Variants in RUNX1 observed in about 807,000 individuals in gnomAD.
The protein encoded by RUNX1 is RUNX family transcription factor 1, also known as runt-related transcription factor 1.
A neutral mutation model predicts 42.8 loss-of-function variants in RUNX1; 19 were observed. The ratio of observed to expected loss-of-function variants is 0.44; its 90% CI spans 0.31 to 0.65. The LOEUF (loss-of-function observed/expected upper bound fraction) is 0.65. RUNX1 is among the 30% of genes least tolerant of loss of function. The pLI, the probability that RUNX1 is intolerant of heterozygous loss-of-function variation, is 0.07. For synonymous variants in RUNX1, 271 were observed against 289.4 expected, an observed-to-expected ratio of 0.94 and a Z score of 0.64; for missense variants, 528 against 672.0, an observed-to-expected ratio of 0.79 and a Z score of 2.37.
chr21:34,807,422 C>G (rs1403182377), intron 7 of RUNX1, among the ~76,000 whole-genome samples: 4 of 152,118 alleles, frequency 2.6e-5, no homozygotes, highest in Non-Finnish European at 5.9e-5. Flanking sequence ...TTTAAAACGC[C>G]AGGTCTTTCA....
chr21:34,817,416 A>G (rs1333598880), intron 7 of RUNX1, among the ~76,000 whole-genome samples: 1 of 152,192 alleles, frequency 6.6e-6, no homozygotes, highest in Non-Finnish European at 1.5e-5. Context: ...TAAACAGCAT[A>G]TGGATTTTCC....
At chr21:34,950,419 C>G (rs2058597995) in intron 2 of RUNX1, among the ~76,000 whole-genome samples, 1 of 150,792 alleles carries the variant, frequency 6.6e-6, no homozygotes, top group Non-Finnish European at 1.5e-5. Context: ...GATTCAAGCT[C>G]TTAACAAGGA....
chr21:34,888,224 C>T, intron 3 of RUNX1: 3 of 1,066,976 alleles, frequency 2.8e-6, no homozygotes, highest in Non-Finnish European at 3.4e-6. Flanking sequence ...GAGGCACGAA[C>T]ACCCACGAGC....
At chr21:34,869,759 T>C (rs1207508027) in intron 5 of RUNX1, among the ~76,000 whole-genome samples, 1 of 152,144 alleles carries the variant, frequency 6.6e-6, no homozygotes, top group African/African-American at 2.4e-5. Context: ...CAAAACCCCT[T>C]CAACTTGGGT....
chr21:34,793,089 T>G (rs564744002), intron 8 of RUNX1, among the ~76,000 whole-genome samples: 17 of 151,332 alleles, frequency 1.1e-4, no homozygotes, highest in African/African-American at 4.1e-4. Flanking sequence ...CCCAGGAAGA[T>G]TGGAACCACA....
intron 2 of RUNX1, among the ~76,000 whole-genome samples, chr21:35,017,499 T>C (rs539131574): frequency 2.4e-4 from 36 of 152,264 alleles, no homozygotes; most frequent in African/African-American, 8.7e-4. Context: ...GAGAGAGTAT[T>C]GGGGCCAGTT....
chr21:34,838,352 CTA>C (rs1038679393), intron 6 of RUNX1, among the ~76,000 whole-genome samples: 33 of 152,224 alleles, frequency 2.2e-4, no homozygotes, highest in African/African-American at 7.7e-4. Context: ...ACATATTAGT[CTA>C]TGTTTCCGAT....
chr21:35,011,438 G>T (rs1762337269), intron 2 of RUNX1, among the ~76,000 whole-genome samples: 1 of 152,228 alleles, frequency 6.6e-6, no homozygotes, highest in African/African-American at 2.4e-5. Flanking sequence ...CCCTGGAATA[G>T]ACATGGCTCT....
chr21:34,987,602 T>C (rs2058900580), intron 2 of RUNX1, among the ~76,000 whole-genome samples: 1 of 152,204 alleles, frequency 6.6e-6, no homozygotes, highest in Non-Finnish European at 1.5e-5. Context: ...GTGAGTCTGG[T>C]TGAGATCTTT....
At position 34,907,306 on chromosome 21, in the gene RUNX1, A is replaced by G. The variant is rs1040193570; in HGVS notation, c.59-14343T>C. 6.6e-6 allele frequency among the ~76,000 whole-genome samples: 1 copy of G among 152,236 alleles called. No homozygotes were observed. The highest frequency in any genetic ancestry group is 6.5e-5 in the Admixed American group (1 of 15,288). On this transcript the variant is annotated intron_variant, in intron 2 of 8. Coordinates refer to ENST00000675419, the MANE Select transcript of RUNX1 (RefSeq NM_001754.5). The surrounding 1 kb of genome is among the most constrained non-coding windows in gnomAD (Gnocchi z 5.3). ...GCTGCCATGTGAAAAGTTTCTAAAC[A>G]GTGACTTCTAAACAATAGGTTGTGA... is the stretch of plus-strand genomic sequence containing the variant.
At chr21:34,826,528 C>T (rs1188673157) in intron 7 of RUNX1, among the ~76,000 whole-genome samples, 1 of 146,846 alleles carries the variant, frequency 6.8e-6, no homozygotes, top group African/African-American at 2.5e-5. Context: ...ACCTCCACCT[C>T]CCCGGCTCAA....
At chr21:34,807,419 C>T (rs893036210) in intron 7 of RUNX1, among the ~76,000 whole-genome samples, 5 of 152,140 alleles carry the variant, frequency 3.3e-5, no homozygotes, top group Non-Finnish European at 7.3e-5. Context: ...ATCTTTAAAA[C>T]GCCAGGTCTT....
rs200684288 is a variant in RUNX1 at position 34,826,436 on chromosome 21, T to TTC, written c.805+7973_805+7974insGA. Among the ~76,000 whole-genome samples the TTC allele has an allele frequency of 6.8e-5, 9 of 133,086 alleles. No homozygotes were observed. The East Asian group carries it at 1.0e-3, about 15-fold the overall frequency. 87.3% of individuals were successfully genotyped at this position (133,086 alleles called of 152,430 possible). A position where few individuals can be genotyped will look rare whatever the true frequency, so the allele number is the denominator to read the frequency against. On this transcript the variant is annotated intron_variant, in intron 7 of 8. Transcript: ENST00000675419. Reference sequence around the variant, plus strand: ...AATTTCTTTTGTTTTCTTTCTTTCTTTTTTTTTTTTTTTTTTTTTGAGACA... The same window carrying TTC: ...AATTTCTTTTGTTTTCTTTCTTTCTTTCTTTTTTTTTTTTTTTTTTTGAGACA...
rs564928887 is a variant in RUNX1, at chr21:34,823,743, C to T, written c.805+10667G>A. 1.1e-3 allele frequency among the ~76,000 whole-genome samples: 160 copies of T among 152,084 alleles called. 2 individuals are homozygous for T. Among genetic ancestry groups the T allele is most frequent in the African/African-American group, 3.6e-3 (150 of 41,480 alleles). ...CCAGCATGAGCCACTGTGCCTGGCC[C>T]CTGGTGTGTTTTAAAGCTCAAGTTT... On this transcript the variant is annotated intron_variant, in intron 7 of 8. Transcript: ENST00000675419.
At chr21:34,851,385 G>T (rs1011632929) in intron 6 of RUNX1, among the ~76,000 whole-genome samples, 1 of 152,120 alleles carries the variant, frequency 6.6e-6, no homozygotes, top group Non-Finnish European at 1.5e-5. Flanking sequence ...CTTTTTGCAT[G>T]AGAACTAATT....
chr21:34,816,818 C>A (rs963259389), intron 7 of RUNX1, among the ~76,000 whole-genome samples: 11 of 152,134 alleles, frequency 7.2e-5, no homozygotes, highest in African/African-American at 2.7e-4. Context: ...CCTCAGTGTC[C>A]AGCCTCCCTC....
intron 2 of RUNX1, among the ~76,000 whole-genome samples, chr21:34,905,263 G>T (rs1465571345): frequency 6.6e-6 from 1 of 152,096 alleles, no homozygotes; most frequent in Non-Finnish European, 1.5e-5. Flanking sequence ...CACTAATCTC[G>T]CTCACAAGAG....
At chr21:35,019,670 A>G (rs1358143494) in intron 2 of RUNX1, among the ~76,000 whole-genome samples, 2 of 152,172 alleles carry the variant, frequency 1.3e-5, no homozygotes, top group Non-Finnish European at 2.9e-5. Flanking sequence ...CACCCCCCAG[A>G]AAGCTGAATA....
At chr21:35,009,391 C>A (rs191288314) in intron 2 of RUNX1, among the ~76,000 whole-genome samples, 3 of 152,314 alleles carry the variant, frequency 2.0e-5, no homozygotes, top group Admixed American at 2.0e-4. Context: ...ACAAACCCCA[C>A]CGAGTGAGTG....
Sources: gnomAD v4.1 joint callset for allele counts (sites outside exome capture counted in the v4.1 genomes callset) on GRCh38, gnomAD v4.1.1 for gene constraint, Gnocchi (gnomAD v3.1) non-coding constraint, MANE v1.5 for transcripts, NCBI Gene and HGNC (gene_info 2026-07-23, HGNC 2026-07-21) for gene names.